Variants in TMOD1 observed in about 807,000 individuals in gnomAD.
TMOD1 encodes the protein tropomodulin 1, also known as tropomodulin-1.
In TMOD1, 17 loss-of-function variants were observed where a neutral mutation model predicts 40.6. The observed-to-expected ratio is 0.42, with a 90% CI of 0.29 to 0.63. The LOEUF (loss-of-function observed/expected upper bound fraction) is 0.63. TMOD1 is among the 20% of genes least tolerant of loss of function. The pLI is 0.22. For missense variants in TMOD1, 391 were observed against 447.6 expected, an observed-to-expected ratio of 0.87 and a Z score of 1.14; for synonymous variants, 181 against 175.0, an observed-to-expected ratio of 1.03 and a Z score of -0.27.
At position 97,553,302 on chromosome 9, in the gene TMOD1, A is replaced by G; in HGVS notation, c.299A>G (p.Gln100Arg). 1 of 1,614,196 alleles carries G rather than the reference A, an allele frequency of 6.2e-7. No individual in the cohort carries two copies. Among genetic ancestry groups the G allele is most frequent in the Non-Finnish European group, 8.5e-7 (1 of 1,180,026 alleles). The change falls in exon 4 of 10, where the codon CAG becomes CGG. Residue 100 changes from glutamine to arginine, a missense_variant. By Grantham distance (43) the Gln-to-Arg change is conservative (BLOSUM62 1). Coordinates refer to ENST00000259365, the MANE Select transcript of TMOD1 (RefSeq NM_003275.4). ...GCAGGAAAGGTCTGGGTTCCTAAGC[A>G]GAAGCCACTGGATCCTGTGCTGGAA... ...EKRGKVWVPK[Q>R]KPLDPVLESV...
chr9:97,580,201 C>T (rs955458490), intron 8 of TMOD1, among the ~76,000 whole-genome samples: 1 of 152,090 alleles, frequency 6.6e-6, no homozygotes, highest in African/African-American at 2.4e-5. Flanking sequence ...AGTGGGGAGC[C>T]ATTAGAGGTG....
At chr9:97,529,809 A>C (rs1830071510) in intron 2 of TMOD1, among the ~76,000 whole-genome samples, 1 of 152,232 alleles carries the variant, frequency 6.6e-6, no homozygotes, top group African/African-American at 2.4e-5. Context: ...ATGACAAGTC[A>C]TCGTGACTTC....
At chr9:97,546,383 C>A (rs773888660) in intron 3 of TMOD1, 42 bp downstream of exon 3, 2 of 1,593,598 alleles carry the variant, frequency 1.3e-6, no homozygotes, top group Non-Finnish European at 8.6e-7. Context: ...ACTCCCCATG[C>A]ACCATTGAGT....
intron 2 of TMOD1, among the ~76,000 whole-genome samples, chr9:97,531,475 G>T (rs1041185897): frequency 6.6e-6 from 1 of 152,122 alleles, no homozygotes; most frequent in African/African-American, 2.4e-5. Context: ...GCTAGGCGTG[G>T]TGGTGCGCAA....
chr9:97,587,727 C>G (rs1403261051), intron 8 of TMOD1, among the ~76,000 whole-genome samples: 1 of 152,160 alleles, frequency 6.6e-6, no homozygotes, highest in Admixed American at 6.5e-5. Flanking sequence ...AAAAGAAACT[C>G]TGTACCCATT....
intron 2 of TMOD1, among the ~76,000 whole-genome samples, chr9:97,545,315 C>A (rs1830343954): frequency 1.3e-5 from 2 of 152,234 alleles, no homozygotes; most frequent in African/African-American, 4.8e-5. Flanking sequence ...AGCATCCTTG[C>A]AGCTATAAAC....
chr9:97,523,136 GA>G (rs1018580827), intron 1 of TMOD1, among the ~76,000 whole-genome samples: 6 of 151,950 alleles, frequency 3.9e-5, no homozygotes, highest in African/African-American at 9.6e-5. Flanking sequence ...TAAAAAAGGG[GA>G]AAAAAAAGTG....
intron 1 of TMOD1, among the ~76,000 whole-genome samples, chr9:97,521,111 C>G (rs1422664213): frequency 6.6e-6 from 1 of 152,174 alleles, no homozygotes; most frequent in African/African-American, 2.4e-5. Context: ...GTCCTTGTGT[C>G]CCTTCTTGTG....
At chr9:97,561,161 G>A (rs1563991164) in intron 4 of TMOD1, among the ~76,000 whole-genome samples, 1 of 152,194 alleles carries the variant, frequency 6.6e-6, no homozygotes, top group Non-Finnish European at 1.5e-5. Flanking sequence ...TCTCCCCTCT[G>A]TAGTGAGTTC....
At chr9:97,550,589 T>C (rs1409031487) in intron 3 of TMOD1, among the ~76,000 whole-genome samples, 2 of 152,234 alleles carry the variant, frequency 1.3e-5, no homozygotes, top group Non-Finnish European at 1.5e-5. Flanking sequence ...TGGTATCTCA[T>C]TGTAGTTTTG....
chr9:97,508,056 TTCACACACACACACAC>T (rs1443209096), intron 1 of TMOD1, among the ~76,000 whole-genome samples: 10 of 96,124 alleles, frequency 1.0e-4, no homozygotes, highest in African/African-American at 3.4e-4. Context: ...ATCTTCCTGA[TTCACACACACACACAC>T]ACACACACAC....
chr9:97,528,158 C>T (rs1212181009), intron 2 of TMOD1, among the ~76,000 whole-genome samples: 10 of 152,198 alleles, frequency 6.6e-5, no homozygotes, highest in East Asian at 1.9e-4. Context: ...CCAGCTTTCC[C>T]GCCCAGGTGA....
At chr9:97,517,505 C>G (rs1829831756) in intron 1 of TMOD1, among the ~76,000 whole-genome samples, 1 of 151,980 alleles carries the variant, frequency 6.6e-6, no homozygotes, top group Non-Finnish European at 1.5e-5. Flanking sequence ...GGTGCCAAAG[C>G]CGGACACGCA....
Position 97,595,091 on chromosome 9 carries a change from AT to A in TMOD1, c.1015+3657del, listed in dbSNP as rs11314484. 2.6e-3 allele frequency among the ~76,000 whole-genome samples: 401 copies of A among 152,366 alleles called. 6 individuals are homozygous for A. Among genetic ancestry groups the A allele is most frequent in the African/African-American group, 8.5e-3 (355 of 41,570 alleles). On this transcript the variant is annotated intron_variant, in intron 9 of 9. Transcript: ENST00000259365. Reference sequence around the variant, plus strand: ...CACTGCAAAGCAATTTCTAAAAAAAATGTATTTTATTGTCAATTGACAATTT... The same window carrying A: ...CACTGCAAAGCAATTTCTAAAAAAAAGTATTTTATTGTCAATTGACAATTT...
chr9:97,532,299 C>A (rs1830113820), intron 2 of TMOD1, among the ~76,000 whole-genome samples: 1 of 152,188 alleles, frequency 6.6e-6, no homozygotes, highest in Admixed American at 6.5e-5. Flanking sequence ...TACCCTCTGC[C>A]CTCTGGACCC....
intron 8 of TMOD1, among the ~76,000 whole-genome samples, chr9:97,580,943 CTT>C (rs34253873): frequency 3.3e-4 from 45 of 136,502 alleles, no homozygotes; most frequent in Admixed American, 7.1e-4. Context: ...TTTGGACTGG[CTT>C]TTTTTTTTTC....
chr9:97,562,227 C>T lies in TMOD1; in HGVS notation c.398-505C>T, dbSNP rs145906931. On this transcript the variant is annotated intron_variant, in intron 4 of 9. Coordinates refer to ENST00000259365, the MANE Select transcript of TMOD1 (RefSeq NM_003275.4). ...CTGGGAGGTAGAGGGAAGGAAGAGG[C>T]CAAGACCAAGACACCCGTGATGACA... is the stretch of plus-strand genomic sequence containing the variant. Among the ~76,000 whole-genome samples the T allele has an allele frequency of 1.5e-3, 225 of 152,188 alleles. 1 individual carries two copies. Among genetic ancestry groups the T allele is most frequent in the Middle Eastern group, 0.01 (3 of 294 alleles).
At chr9:97,546,549 A>G (rs1187783734) in intron 3 of TMOD1, among the ~76,000 whole-genome samples, 1 of 152,174 alleles carries the variant, frequency 6.6e-6, no homozygotes, top group African/African-American at 2.4e-5. Context: ...TAGACTGAGG[A>G]AAGACTCCTA....
chr9:97,580,890 T>C (rs1825734684), intron 8 of TMOD1, among the ~76,000 whole-genome samples: 1 of 151,828 alleles, frequency 6.6e-6, no homozygotes, highest in South Asian at 2.1e-4. Flanking sequence ...GAATGTTATA[T>C]ATATAATGTT....
Sources: gnomAD v4.1 joint callset for allele counts (sites outside exome capture counted in the v4.1 genomes callset) on GRCh38, gnomAD v4.1.1 for gene constraint, MANE v1.5 for transcripts, NCBI Gene and HGNC (gene_info 2026-07-23, HGNC 2026-07-21) for gene names.